Variants in TRMT9B observed in about 807,000 individuals in gnomAD.
The protein encoded by TRMT9B is probable tRNA methyltransferase 9B.
In TRMT9B, 16 loss-of-function variants were observed where a neutral mutation model predicts 11.5. The ratio of observed to expected loss-of-function variants is 1.39; its 90% CI spans 0.94 to 2.11. The LOEUF (loss-of-function observed/expected upper bound fraction) is 2.11. Among genes scored for constraint, TRMT9B ranks in the 30% most tolerant of loss-of-function variants. The pLI is 0.00. For synonymous variants in TRMT9B, 274 were observed against 192.4 expected, an observed-to-expected ratio of 1.42 and a Z score of -3.51; for missense variants, 941 against 553.8, an observed-to-expected ratio of 1.70 and a Z score of -7.02.
At chr8:12,983,379 C>T (rs1221542732) in intron 1 of TRMT9B, among the ~76,000 whole-genome samples, 1 of 151,988 alleles carries the variant, frequency 6.6e-6, no homozygotes, top group African/African-American at 2.4e-5. Flanking sequence ...TTTTAAAAGC[C>T]ATCTAGCAGG....
At chr8:12,986,841 C>T (rs956199326) in intron 1 of TRMT9B, among the ~76,000 whole-genome samples, 28 of 152,214 alleles carry the variant, frequency 1.8e-4, no homozygotes, top group Admixed American at 1.3e-4. Flanking sequence ...CCTTTCTAAG[C>T]ATTATTAATA....
At chr8:12,976,093 C>G (rs1203046700) in intron 1 of TRMT9B, among the ~76,000 whole-genome samples, 1 of 152,078 alleles carries the variant, frequency 6.6e-6, no homozygotes, top group Non-Finnish European at 1.5e-5. Flanking sequence ...TAAATGTGCC[C>G]CAGGGAAGCT....
chr8:12,951,382 GTACTGCGCTGATGCGC>G (rs1334571324), intron 1 of TRMT9B: 1 of 152,344 alleles, frequency 6.6e-6, no homozygotes, highest in African/African-American at 2.4e-5. Flanking sequence ...GTCACCCAAG[GTACTGCGCTGATGCGC>G]TGCGGGCCGA....
chr8:12,998,880 CT>C (rs1257460795), intron 2 of TRMT9B, among the ~76,000 whole-genome samples: 2 of 152,172 alleles, frequency 1.3e-5, no homozygotes, highest in Non-Finnish European at 2.9e-5. Flanking sequence ...GGGAAAAAAC[CT>C]TTTTACTTTT....
chr8:13,000,355 C>A (rs1031225049), intron 2 of TRMT9B, among the ~76,000 whole-genome samples: 6 of 152,178 alleles, frequency 3.9e-5, no homozygotes, highest in Non-Finnish European at 7.4e-5. Flanking sequence ...GCAGGAATTG[C>A]CAATGTCCTT....
At chr8:12,993,749 C>G (rs1322000241) in intron 2 of TRMT9B, among the ~76,000 whole-genome samples, 1 of 152,208 alleles carries the variant, frequency 6.6e-6, no homozygotes, top group African/African-American at 2.4e-5. Flanking sequence ...CCCTAGTGGC[C>G]ATGGTACATC....
intron 1 of TRMT9B, among the ~76,000 whole-genome samples, chr8:12,962,896 A>T (rs1166080231): frequency 2.0e-5 from 3 of 152,210 alleles, no homozygotes; most frequent in African/African-American, 7.2e-5. Context: ...CAGCTGACTG[A>T]CTTCACGCTG....
intron 1 of TRMT9B, among the ~76,000 whole-genome samples, chr8:12,970,302 T>C (rs1200591638): frequency 2.6e-5 from 4 of 152,262 alleles, no homozygotes; most frequent in South Asian, 4.1e-4. Flanking sequence ...TATGTAAGCC[T>C]ATTTCTCCTC....
chr8:12,995,244 C>G (rs1253534708), intron 2 of TRMT9B, among the ~76,000 whole-genome samples: 2 of 152,166 alleles, frequency 1.3e-5, no homozygotes, highest in East Asian at 3.9e-4. Flanking sequence ...AAGCTTCAAG[C>G]AAGTTTCAGC....
chr8:12,981,791 A>G (rs1222257508), intron 1 of TRMT9B, among the ~76,000 whole-genome samples: 1 of 151,750 alleles, frequency 6.6e-6, no homozygotes. Context: ...AGAGACAAGA[A>G]TCTCATTAAG....
At chr8:13,003,494 C>G (rs991650225) in intron 2 of TRMT9B, among the ~76,000 whole-genome samples, 18 of 152,214 alleles carry the variant, frequency 1.2e-4, no homozygotes, top group African/African-American at 3.6e-4. Flanking sequence ...CCAGGTAAAG[C>G]ATAGCATATG....
intron 3 of TRMT9B, among the ~76,000 whole-genome samples, chr8:13,009,952 C>G (rs1324890495): frequency 6.6e-6 from 1 of 151,880 alleles, no homozygotes; most frequent in Admixed American, 6.6e-5. Context: ...CATGGTGAAA[C>G]CCCATCTCTA....
chr8:13,001,966 G>A (rs564228811), intron 2 of TRMT9B, among the ~76,000 whole-genome samples: 2 of 152,174 alleles, frequency 1.3e-5, no homozygotes, highest in South Asian at 4.1e-4. Flanking sequence ...CAAGGAATTT[G>A]CTTATATAAA....
At chr8:13,002,528 A>G (rs1809637161) in intron 2 of TRMT9B, among the ~76,000 whole-genome samples, 1 of 152,192 alleles carries the variant, frequency 6.6e-6, no homozygotes, top group South Asian at 2.1e-4. Context: ...AGACCTCACA[A>G]ATTAGATTTA....
intron 1 of TRMT9B, among the ~76,000 whole-genome samples, chr8:12,984,605 TA>T (rs1418438831): frequency 6.6e-6 from 1 of 152,202 alleles, no homozygotes; most frequent in Non-Finnish European, 1.5e-5. Context: ...CTTTCGTATG[TA>T]ATAGCAGAGC....
intron 2 of TRMT9B, among the ~76,000 whole-genome samples, chr8:12,994,002 C>T (rs1366714620): frequency 6.6e-6 from 1 of 152,168 alleles, no homozygotes; most frequent in Non-Finnish European, 1.5e-5. Context: ...AGCAGTTCTG[C>T]TCCAACCTCT....
intron 2 of TRMT9B, among the ~76,000 whole-genome samples, chr8:12,993,169 G>A (rs757285051): frequency 6.6e-6 from 1 of 152,220 alleles, no homozygotes; most frequent in African/African-American, 2.4e-5. Context: ...GACTGGACCA[G>A]GTCAGGGAGG....
chr8:13,010,152 AG>A (rs1409387927), intron 3 of TRMT9B: 3 of 685,810 alleles, frequency 4.4e-6, no homozygotes, highest in Non-Finnish European at 5.4e-6. Context: ...AAAAAAAAAA[AG>A]TCTCACAAAT....
Position 12,991,025 on chromosome 8 carries a change from G to A in TRMT9B, c.-8G>A. The stretch of plus-strand genomic sequence containing the variant: ...GGTAATTTTCCTGTAATCACAGGAT[G>A]ACTCAGGTTAGTAGCTTTCAGCGCT... On this transcript the variant is annotated 5_prime_UTR_variant, in exon 2 of 5. It removes an upstream start codon present in the reference 5' UTR. Transcript: ENST00000524591. 1 of 1,254,674 alleles carries A rather than the reference G, an allele frequency of 8.0e-7. No homozygotes were observed. Among genetic ancestry groups the A allele is most frequent in the Non-Finnish European group, 1.0e-6 (1 of 969,986 alleles). The allele number at this position is 1,254,674 out of a possible 1,614,324, so 77.7% of individuals were successfully genotyped here.
Sources: gnomAD v4.1 joint callset for allele counts (sites outside exome capture counted in the v4.1 genomes callset) on GRCh38, gnomAD v4.1.1 for gene constraint, MANE v1.5 for transcripts, NCBI Gene and HGNC (gene_info 2026-07-23, HGNC 2026-07-21) for gene names.